RAB33B: variants seen among roughly 807,000 people sequenced by gnomAD.
The protein encoded by RAB33B is ras-related protein Rab-33B.
A neutral mutation model predicts 15.0 loss-of-function variants in RAB33B; 6 were observed. That is an observed-to-expected ratio of 0.40 (90% CI 0.22 to 0.79). RAB33B has a LOEUF of 0.79. RAB33B is among the 30% of genes least tolerant of loss of function. RAB33B has a pLI of 0.37. For synonymous variants in RAB33B, 117 were observed against 108.3 expected (o/e 1.08, Z -0.50); for missense variants, 257 against 296.4 (o/e 0.87, Z 0.98).
the RAB33B span, among the ~76,000 whole-genome samples, chr4:139,447,275 C>A: frequency 6.6e-6 from 1 of 152,148 alleles, no homozygotes; most frequent in Non-Finnish European, 1.5e-5. Flanking sequence ...ACTTTGCAGG[C>A]CTGGGGCAAA....
chr4:139,442,615 C>T, the RAB33B span, among the ~76,000 whole-genome samples: 1 of 152,114 alleles, frequency 6.6e-6, no homozygotes, highest in Non-Finnish European at 1.5e-5. Flanking sequence ...ACTGGCTTAG[C>T]CTCCCAGCCT....
chr4:139,438,402 A>C, the RAB33B span, among the ~76,000 whole-genome samples: 8 of 152,242 alleles, frequency 5.3e-5, no homozygotes, highest in Non-Finnish European at 1.2e-4. Flanking sequence ...AAACAGATTA[A>C]GAAAACAACC....
chr4:139,462,214 C>T lies in RAB33B; in HGVS notation c.249+7770C>T, dbSNP rs187695765. On this transcript the variant is annotated intron_variant, in intron 1 of 1. Transcript: ENST00000305626. ...GACTACAGGTGCCTGCCACCACGCCCGGCTAACTTTTTGTATTTTTAGTAG... is the reference window on the plus strand; with the variant it reads ...GACTACAGGTGCCTGCCACCACGCCTGGCTAACTTTTTGTATTTTTAGTAG... 4.5e-4 allele frequency among the ~76,000 whole-genome samples: 69 copies of T among 152,008 alleles called. 1 individual carries two copies. The highest frequency in any genetic ancestry group is 2.5e-3 in the South Asian group (12 of 4,816).
At position 139,473,145 on chromosome 4, in the gene RAB33B, T is replaced by C. The variant is rs755737840; in HGVS notation, c.*19T>C. 6.5e-7 allele frequency: 1 copy of C among 1,543,714 alleles called. No homozygotes were observed. Among genetic ancestry groups the C allele is most frequent in the East Asian group, 2.3e-5 (1 of 43,948 alleles). ...GTGCTAAATAACAGTCTTTATTATA[T>C]TATCTAATTTTGACTAAAGAAATAC... On this transcript the variant is annotated 3_prime_UTR_variant, in exon 2 of 2. Coordinates refer to ENST00000305626, the MANE Select transcript of RAB33B (RefSeq NM_031296.3).
chr4:139,458,509 G>A (rs1348776223), intron 1 of RAB33B, among the ~76,000 whole-genome samples: 3 of 152,158 alleles, frequency 2.0e-5, no homozygotes, highest in Non-Finnish European at 4.4e-5. Context: ...TTGTGTCCGT[G>A]CGGTATTTGG....
intron 1 of RAB33B, among the ~76,000 whole-genome samples, chr4:139,466,309 C>T (rs1750283849): frequency 6.6e-6 from 1 of 152,104 alleles, no homozygotes; most frequent in Admixed American, 6.5e-5. Flanking sequence ...GGAGAAATTA[C>T]CTTGGAGACA....
At chr4:139,443,213 C>T in the RAB33B span, among the ~76,000 whole-genome samples, 2 of 152,078 alleles carry the variant, frequency 1.3e-5, no homozygotes, top group African/African-American at 4.8e-5. Context: ...AGGATGGTCT[C>T]GATCTCCTGA....
intron 1 of RAB33B, among the ~76,000 whole-genome samples, chr4:139,468,503 T>C (rs988844338): frequency 5.3e-5 from 8 of 152,366 alleles, no homozygotes; most frequent in Non-Finnish European, 1.0e-4. Context: ...TTATATCTTA[T>C]TGTATTGATT....
At chr4:139,465,173 T>C (rs1385745699) in intron 1 of RAB33B, among the ~76,000 whole-genome samples, 23 of 152,248 alleles carry the variant, frequency 1.5e-4, no homozygotes, top group Admixed American at 1.2e-3. Context: ...GTCTGTTGGC[T>C]GCATAAATGT....
At chr4:139,469,081 T>C (rs1233405499) in intron 1 of RAB33B, among the ~76,000 whole-genome samples, 4 of 152,210 alleles carry the variant, frequency 2.6e-5, no homozygotes, top group Non-Finnish European at 5.9e-5. Flanking sequence ...AACTTTCTTA[T>C]ACTTGAATAT....
At chr4:139,439,433 G>A in the RAB33B span, among the ~76,000 whole-genome samples, 3 of 152,306 alleles carry the variant, frequency 2.0e-5, no homozygotes, top group South Asian at 2.1e-4. Flanking sequence ...ATTTGTATGC[G>A]AAGAGTCATT....
chr4:139,445,585 G>A, the RAB33B span, among the ~76,000 whole-genome samples: 1 of 152,216 alleles, frequency 6.6e-6, no homozygotes, highest in African/African-American at 2.4e-5. Flanking sequence ...TACCAAGAAA[G>A]AGGAACAACG....
upstream of RAB33B, chr4:139,453,834 A>G: frequency 5.6e-6 from 1 of 179,984 alleles, no homozygotes; most frequent in Non-Finnish European, 1.1e-5. Flanking sequence ...GGAACCTTGG[A>G]CGTGGCGGGG....
In RAB33B at chr4:139,474,692, A is replaced by C. The variant is rs1179237518; in HGVS notation, c.*1566A>C. ...ACTTCAGTGATGGAAAGAATATTTCAAGAAGTTTTTTAACCTAAATACTTT... is the reference window on the plus strand; with the variant it reads ...ACTTCAGTGATGGAAAGAATATTTCCAGAAGTTTTTTAACCTAAATACTTT... On this transcript the variant is annotated 3_prime_UTR_variant, in exon 2 of 2. Coordinates refer to ENST00000305626, the MANE Select transcript of RAB33B (RefSeq NM_031296.3). 6.5e-6 allele frequency: 1 copy of C among 152,680 alleles called. No homozygotes were observed. The highest frequency in any genetic ancestry group is 1.9e-4 in the East Asian group (1 of 5,200). The allele number at this position is 152,680 out of a possible 1,614,324, so 9.5% of individuals were successfully genotyped here.
chr4:139,457,343 C>T (rs961304505), intron 1 of RAB33B, among the ~76,000 whole-genome samples: 6 of 152,312 alleles, frequency 3.9e-5, no homozygotes, highest in Admixed American at 3.3e-4. Context: ...TAACTCTAAT[C>T]CTTATGCTCC....
intron 1 of RAB33B, among the ~76,000 whole-genome samples, chr4:139,467,852 T>C (rs1432465461): frequency 7.0e-6 from 1 of 142,846 alleles, no homozygotes; most frequent in African/African-American, 2.5e-5. Flanking sequence ...AGCAATGTCC[T>C]GTCTCAAAAA....
chr4:139,446,194 C>G, the RAB33B span, among the ~76,000 whole-genome samples: 1 of 152,196 alleles, frequency 6.6e-6, no homozygotes, highest in Non-Finnish European at 1.5e-5. Context: ...CCTGACTTAT[C>G]TCCCGAGCCT....
chr4:139,447,185 C>T, the RAB33B span, among the ~76,000 whole-genome samples: 31,248 of 152,112 alleles, frequency 0.21, 3,546 homozygotes, highest in Non-Finnish European at 0.26. Flanking sequence ...ACCATGTTCC[C>T]CCGTCATCCT....
chr4:139,465,385 T>G (rs1480556382), intron 1 of RAB33B, among the ~76,000 whole-genome samples: 1 of 152,254 alleles, frequency 6.6e-6, no homozygotes, highest in Non-Finnish European at 1.5e-5. Context: ...CAGAAGCTCT[T>G]TAGTTTAATT....
Sources: allele counts gnomAD v4.1 joint callset (sites outside exome capture counted in the v4.1 genomes callset), GRCh38; gene constraint gnomAD v4.1.1; transcripts MANE v1.5; gene names NCBI Gene and HGNC (gene_info 2026-07-23, HGNC 2026-07-21).